CARNS1: variants seen among roughly 807,000 people sequenced by gnomAD.
CARNS1 encodes carnosine synthase 1.
In CARNS1, 61 loss-of-function variants were observed where a neutral mutation model predicts 74.0. The observed-to-expected ratio is 0.82, with a 90% CI of 0.67 to 1.02. The LOEUF is 1.02. Ranked by LOEUF, CARNS1 falls within the 50% of genes least tolerant of loss-of-function variation. CARNS1 has a pLI of 0.00. For missense variants in CARNS1, 1,278 were observed against 1,308.4 expected (o/e 0.98, Z 0.36); for synonymous variants, 568 against 605.5 (o/e 0.94, Z 0.91).
chr11:67,417,252 T>C, intron 2 of CARNS1, 155 bp from the exon 3 acceptor site: 10 of 1,236,880 alleles, frequency 8.1e-6, no homozygotes, highest in Non-Finnish European at 9.1e-6. Flanking sequence ...TAACAAGCCT[T>C]CGCCCCCAAC....
At position 67,424,441 on chromosome 11, in the gene CARNS1, A is replaced by AG. The variant is rs1166085120; in HGVS notation, c.2695dup (p.Ala899GlyfsTer8). On this transcript the variant is annotated frameshift_variant, in exon 10 of 10. Transcript: ENST00000687366. LOFTEE classifies it high-confidence loss of function. ...CTGCTACGCCTCAATCTGCTGGAGG[A>AG]GGCCCTGGTGCCTGGCGAGTATGAG... 4.4e-6 allele frequency: 7 copies of AG among 1,589,230 alleles called. No homozygotes were observed. The highest frequency in any genetic ancestry group is 5.1e-6 in the Non-Finnish European group (6 of 1,168,884).
At chr11:67,418,345 G>C in intron 3 of CARNS1, 86 bp from the exon 4 acceptor site, 1 of 977,662 alleles carries the variant, frequency 1.0e-6, no homozygotes, top group Non-Finnish European at 1.4e-6. Flanking sequence ...GCTCAGGGTG[G>C]GGCCGTGGGT....
intron 9 of CARNS1, among the ~76,000 whole-genome samples, chr11:67,422,647 A>G (rs1247472345): frequency 6.6e-6 from 1 of 152,136 alleles, no homozygotes; most frequent in African/African-American, 2.4e-5. Context: ...TCTTATCCCC[A>G]TTGAACAGAT....
intron 4 of CARNS1, 111 bp downstream of exon 4, chr11:67,418,631 C>A: frequency 7.0e-7 from 1 of 1,433,200 alleles, no homozygotes; most frequent in Non-Finnish European, 9.3e-7. Flanking sequence ...TGCATTCCAC[C>A]GGAGCAGCTG....
intron 7 of CARNS1, 103 bp downstream of exon 7, chr11:67,419,941 G>A (rs972235909): frequency 6.7e-6 from 8 of 1,198,314 alleles, no homozygotes; most frequent in Non-Finnish European, 4.7e-6. Flanking sequence ...GGGCAGAGAG[G>A]ACAAAATCCT....
Position 67,420,628 on chromosome 11 carries a change from G to T in CARNS1, c.1133G>T (p.Arg378Leu). 17 of 1,240,114 alleles carry T rather than the reference G, an allele frequency of 1.4e-5. No homozygotes were observed. The highest frequency in any genetic ancestry group is 1.5e-5 in the African/African-American group (1 of 64,582). The allele number at this position is 1,240,114 out of a possible 1,614,324, so 76.8% of individuals were successfully genotyped here. A position where few individuals can be genotyped will look rare whatever the true frequency, so the allele number is the denominator to read the frequency against. ...GCCCAGGTGGTGTGCGGCGTGGGCC[G>T]CGGGGACCGCCCTCTACGGCACCAC... Reference protein sequence around the residue: ...LLSKVVCGVGRGDRPLRHHNS... With the variant: ...LLSKVVCGVGLGDRPLRHHNS... Residue 378 changes from arginine to leucine, a missense_variant, in exon 8 of 10, where the codon CGC (arginine) becomes CTC (leucine). Coordinates refer to ENST00000687366, the MANE Select transcript of CARNS1 (RefSeq NM_001166222.2).
At chr11:67,419,400 T>A (rs1336938731) in intron 5 of CARNS1, 87 bp from the exon 6 acceptor site, 1 of 1,537,908 alleles carries the variant, frequency 6.5e-7, no homozygotes, top group South Asian at 1.2e-5. Flanking sequence ...TTGCCTCAGT[T>A]TACTCACCGG....
At position 67,423,917 on chromosome 11, in the gene CARNS1, G is replaced by A. The variant is rs1188433512; in HGVS notation, c.2169G>A (p.Leu723=). The change falls in exon 10 of 10, where the codon CTG becomes CTA. Residue 723 remains leucine, a synonymous_variant. Coordinates refer to ENST00000687366, the MANE Select transcript of CARNS1 (RefSeq NM_001166222.2). This position sits in a 1 kb window ranked among gnomAD's most constrained non-coding sequence, Gnocchi z 5.1. ...GGCTGGGCTGGGGCAATGCCATGCT[G>A]CTGATGGAGTTTGTGGAGGGCACCG... ...GIGLGWGNAM[L]LMEFVEGTEH... is the part of the protein sequence containing the mutation. 6.2e-7 allele frequency: 1 copy of A among 1,613,734 alleles called. No individual in the cohort carries two copies. The highest frequency in any genetic ancestry group is 1.1e-5 in the South Asian group (1 of 91,080).
chr11:67,417,743 T>A, intron 3 of CARNS1, 66 bp downstream of exon 3: 1 of 1,138,010 alleles, frequency 8.8e-7, no homozygotes, highest in South Asian at 4.0e-5. Context: ...CCCAGTCTGC[T>A]TGCTCATCCC....
Position 67,421,184 on chromosome 11 carries a change from T to C in CARNS1, c.1591T>C (p.Phe531Leu). ...CGGCGCTGGCGGCGTCAGCAAGAAG[T>C]TCGTGTGGGAGGCGGCGCGCGACTA... Reference protein sequence around the residue: ...VVGAGGVSKKFVWEAARDYGL... With the variant: ...VVGAGGVSKKLVWEAARDYGL... Residue 531 changes from phenylalanine (F) to leucine (L), a missense_variant, in exon 9 of 10, where the codon TTC (phenylalanine) becomes CTC (leucine). Phe to Leu is a conservative substitution (Grantham distance 22, BLOSUM62 0). Coordinates refer to ENST00000687366, the MANE Select transcript of CARNS1 (RefSeq NM_001166222.2). The C allele has an allele frequency of 6.7e-7, 1 of 1,494,326 alleles. No individual in the cohort carries two copies. Among genetic ancestry groups the C allele is most frequent in the Non-Finnish European group, 8.9e-7 (1 of 1,127,986 alleles). 92.6% of individuals were successfully genotyped at this position (1,494,326 alleles called of 1,614,324 possible).
rs1201930102 is a variant in CARNS1 at position 67,423,356 on chromosome 11, C to T, written c.1627-19C>T. On this transcript the variant is annotated intron_variant, in intron 9 of 9. Coordinates refer to ENST00000687366, the MANE Select transcript of CARNS1 (RefSeq NM_001166222.2). This position sits in a 1 kb window ranked among gnomAD's most constrained non-coding sequence, Gnocchi z 5.1. ...AGTACTAGCTGACCTGGATATGCCC[C>T]ACCCTGTGGCTTCTGCAGCTGCACC... 4 of 1,586,210 alleles carry T rather than the reference C, an allele frequency of 2.5e-6. No homozygotes were observed. Among genetic ancestry groups the T allele is most frequent in the Admixed American group, 1.7e-5 (1 of 58,956 alleles).
Position 67,418,501 on chromosome 11 carries a change from G to A in CARNS1, c.345G>A (p.Glu115=), listed in dbSNP as rs757029107. The A allele has an allele frequency of 6.6e-7, 1 of 1,522,050 alleles. No individual in the cohort carries two copies. Among genetic ancestry groups the A allele is most frequent in the South Asian group, 1.2e-5 (1 of 82,870 alleles). 94.3% of individuals were successfully genotyped at this position (1,522,050 alleles called of 1,614,324 possible). A position where few individuals can be genotyped will look rare whatever the true frequency, so the allele number is the denominator to read the frequency against. The stretch of plus-strand genomic sequence containing the variant: ...GCACCTTTCTGCCTGTGCTGCTGGA[G>A]GGTGGGGTCCAGAGCCCGGGTGAGT... ...SPSTFLPVLL[E]GGVQSPGNML... is the part of the protein sequence containing the mutation. Residue 115 remains glutamate (E), a synonymous_variant, in exon 4 of 10, where the codon GAG becomes GAA. Transcript: ENST00000687366.
chr11:67,420,527 C>T, intron 7 of CARNS1, 82 bp from the exon 8 acceptor site: 1 of 896,648 alleles, frequency 1.1e-6, no homozygotes, highest in Non-Finnish European at 1.5e-6. Context: ...GGGGTCTGGT[C>T]TGAATTTTGG....
At position 67,423,457 on chromosome 11, in the gene CARNS1, G is replaced by A. The variant is rs200047923; in HGVS notation, c.1709G>A (p.Arg570Gln). The A allele has an allele frequency of 1.7e-3, 2,772 of 1,614,032 alleles. 4 individuals carry two copies. Among genetic ancestry groups the A allele is most frequent in the Non-Finnish European group, 2.2e-3 (2,644 of 1,179,886 alleles). Residue 570 changes from arginine (R) to glutamine (Q), a missense_variant, in exon 10 of 10, where the codon CGG (arginine) becomes CAG (glutamine). Physicochemically the swap from Arg to Gln is conservative, Grantham distance 43. This residue lies in a region of CARNS1 where 1,164 missense variants were observed against 1,156.5 expected (regional missense o/e 1.01). Transcript: ENST00000687366. This position sits in a 1 kb window ranked among gnomAD's most constrained non-coding sequence, Gnocchi z 5.1. ...ATCCACTTTGACATGACAGAGCACC[G>A]GAGGGATGAGGAGAACGCACGGCTG... ...TFIHFDMTEH[R>Q]RDEENARLLA...
rs755832941 is a variant in CARNS1 at position 67,423,625 on chromosome 11, A to G, written c.1877A>G (p.Gln626Arg). 1.2e-6 allele frequency: 2 copies of G among 1,609,524 alleles called. No individual in the cohort carries two copies. Among genetic ancestry groups the G allele is most frequent in the Non-Finnish European group, 1.7e-6 (2 of 1,178,666 alleles). The change falls in exon 10 of 10, where the codon CAG (glutamine) becomes CGG (arginine). Residue 626 changes from glutamine (Q) to arginine (R), a missense_variant. By Grantham distance (43) the Gln-to-Arg change is conservative (BLOSUM62 1). This residue lies in a region of CARNS1 where 1,164 missense variants were observed against 1,156.5 expected (regional missense o/e 1.01). Transcript: ENST00000687366. This position sits in a 1 kb window ranked among gnomAD's most constrained non-coding sequence, Gnocchi z 5.1. Reference protein sequence around the residue: ...SSPAAMRLAKQKSLTQLHLLH... With the variant: ...SSPAAMRLAKRKSLTQLHLLH... ...CCAGCTGCCATGCGCCTGGCTAAGC[A>G]GAAGAGCCTCACCCAGCTGCACCTG...
At chr11:67,416,108 G>T in intron 1 of CARNS1, 68 bp from the exon 2 acceptor site, 1 of 975,120 alleles carries the variant, frequency 1.0e-6, no homozygotes, top group South Asian at 1.4e-5. Context: ...TCTAGGGGCT[G>T]GAAGGCCAGG....
At chr11:67,420,294 T>A (rs1244286708) in intron 7 of CARNS1, among the ~76,000 whole-genome samples, 1 of 151,252 alleles carries the variant, frequency 6.6e-6, no homozygotes, top group Admixed American at 6.6e-5. Context: ...TCCAGTGGGG[T>A]AGGGAAAGGT....
chr11:67,422,039 G>A (rs1863720356), intron 9 of CARNS1, among the ~76,000 whole-genome samples: 1 of 151,816 alleles, frequency 6.6e-6, no homozygotes, highest in Non-Finnish European at 1.5e-5. Flanking sequence ...CCGCCACCAC[G>A]CCTGGCTAAC....
In CARNS1 at chr11:67,424,695, A is replaced by G. The variant is rs1164064798; in HGVS notation, c.*94A>G. ...TCTTCCTGCTTCTCTCCCCATCACC[A>G]TGCCCCAGCCCCAGCCTGGCCCGCT... On this transcript the variant is annotated 3_prime_UTR_variant, in exon 10 of 10. Coordinates refer to ENST00000687366, the MANE Select transcript of CARNS1 (RefSeq NM_001166222.2). 5.9e-6 allele frequency: 8 copies of G among 1,359,416 alleles called. No homozygotes were observed. Among genetic ancestry groups the G allele is most frequent in the Non-Finnish European group, 6.9e-6 (7 of 1,017,810 alleles). 84.2% of individuals were successfully genotyped at this position (1,359,416 alleles called of 1,614,324 possible).
Sources: allele counts gnomAD v4.1 joint callset (sites outside exome capture counted in the v4.1 genomes callset), GRCh38; gene constraint gnomAD v4.1.1; regional missense constraint gnomAD v4.1.1; non-coding constraint Gnocchi (gnomAD v3.1); transcripts MANE v1.5; gene names NCBI Gene and HGNC (gene_info 2026-07-23, HGNC 2026-07-21).